Variants in NEBL observed in about 807,000 individuals in gnomAD.
NEBL encodes the protein nebulette.
Under a neutral mutation model 140.2 loss-of-function variants are expected in NEBL, and 122 were observed. That is an observed-to-expected ratio of 0.87 (90% CI 0.75 to 1.01). The LOEUF is 1.01. NEBL is among the 50% of genes least tolerant of loss of function. NEBL has a pLI of 0.00. For synonymous variants in NEBL, 436 were observed against 398.9 expected (o/e 1.09, Z -1.11); for missense variants, 1,365 against 1,231.3 (o/e 1.11, Z -1.62).
At chr10:21,277,744 T>C (rs528045883) in intron 1 of NEBL, among the ~76,000 whole-genome samples, 44 of 152,360 alleles carry the variant, frequency 2.9e-4, no homozygotes, top group South Asian at 1.0e-3. Flanking sequence ...GCTTTGGGCC[T>C]TTCCATGTTA....
chr10:21,189,215 C>T (rs1417427759), intron 3 of NEBL, among the ~76,000 whole-genome samples: 4 of 151,846 alleles, frequency 2.6e-5, no homozygotes, highest in African/African-American at 4.8e-5. Flanking sequence ...GGCAAGGGTC[C>T]TCATAAGAGA....
chr10:21,232,901 T>C (rs1321462995), intron 3 of NEBL, among the ~76,000 whole-genome samples: 3 of 152,200 alleles, frequency 2.0e-5, no homozygotes, highest in African/African-American at 7.2e-5. Flanking sequence ...GGAGAGATGA[T>C]TCCAACTCAA....
chr10:21,029,811 A>G (rs751422657), intron 2 of NEBL: 9 of 721,998 alleles, frequency 1.2e-5, no homozygotes, highest in Non-Finnish European at 2.3e-5. Flanking sequence ...GCTAGAGGCT[A>G]TCATTCCTGG....
intron 3 of NEBL, among the ~76,000 whole-genome samples, chr10:21,006,572 T>C (rs893905791): frequency 2.0e-5 from 3 of 152,216 alleles, no homozygotes; most frequent in Non-Finnish European, 4.4e-5. Context: ...CTTGAGACTT[T>C]CTAGGGTTCC....
At chr10:20,900,056 T>C (rs1294596110), upstream of NEBL, among the ~76,000 whole-genome samples, 1 of 152,250 alleles carries the variant, frequency 6.6e-6, no homozygotes, top group Admixed American at 6.5e-5. Flanking sequence ...ACAGCTATCA[T>C]GTTTCAAAAT....
chr10:20,916,132 G>C (rs548863073), intron 4 of NEBL, among the ~76,000 whole-genome samples: 1 of 152,102 alleles, frequency 6.6e-6, no homozygotes, highest in Admixed American at 6.5e-5. Flanking sequence ...CAGTCATCTA[G>C]TTCAACTAGA....
intron 16 of NEBL, 98 bp downstream of exon 16, chr10:20,831,098 C>T: frequency 1.1e-6 from 1 of 892,556 alleles, no homozygotes. Flanking sequence ...GCTCTGAATG[C>T]AATGCCCTCA....
chr10:20,805,836 C>T lies in NEBL; in HGVS notation c.2761+2674G>A, dbSNP rs138168672. 5.6e-3 allele frequency among the ~76,000 whole-genome samples: 830 copies of T among 147,928 alleles called. 32 individuals are homozygous for T. Among genetic ancestry groups the T allele is most frequent in the Admixed American group, 0.051 (760 of 14,860 alleles). ...TTACTGCACTCCAGGCTGAGTGACACAGCGAGACTCCGTCTCAAAAAAAAA... is the reference window on the plus strand; with the variant it reads ...TTACTGCACTCCAGGCTGAGTGACATAGCGAGACTCCGTCTCAAAAAAAAA... On this transcript the variant is annotated intron_variant, in intron 26 of 27. Coordinates refer to ENST00000377122, the MANE Select transcript of NEBL (RefSeq NM_006393.3).
At chr10:20,862,047 G>A (rs1014881160) in intron 7 of NEBL, among the ~76,000 whole-genome samples, 3 of 152,026 alleles carry the variant, frequency 2.0e-5, no homozygotes, top group Non-Finnish European at 2.9e-5. Context: ...CATATAATTT[G>A]TTGAATACTG....
intron 1 of NEBL, among the ~76,000 whole-genome samples, chr10:21,253,368 G>T (rs1482914759): frequency 6.6e-6 from 1 of 152,044 alleles, no homozygotes; most frequent in Non-Finnish European, 1.5e-5. Context: ...AGATTTATAG[G>T]TACAGAGCAC....
At chr10:20,819,631 A>C in intron 19 of NEBL, 115 bp from the exon 20 acceptor site, 6 of 1,272,542 alleles carry the variant, frequency 4.7e-6, no homozygotes, top group Non-Finnish European at 6.8e-6. Context: ...TAATAAGATC[A>C]TCATCAGGAT....
At chr10:21,289,062 T>C (rs772360455) in intron 1 of NEBL, among the ~76,000 whole-genome samples, 16 of 151,366 alleles carry the variant, frequency 1.1e-4, no homozygotes, top group Admixed American at 2.0e-4. Flanking sequence ...TTGGCCAGGC[T>C]GGTCTTGAAC....
chr10:21,035,885 G>A (rs1444654017), intron 2 of NEBL, among the ~76,000 whole-genome samples: 1 of 152,156 alleles, frequency 6.6e-6, no homozygotes, highest in Non-Finnish European at 1.5e-5. Context: ...TAAAAGGGCT[G>A]GGCACGGTAG....
At chr10:21,006,746 G>A (rs895678191) in intron 3 of NEBL, among the ~76,000 whole-genome samples, 1 of 152,230 alleles carries the variant, frequency 6.6e-6, no homozygotes, top group African/African-American at 2.4e-5. Flanking sequence ...TGGATGACAA[G>A]AGGATTGGGA....
chr10:21,135,908 G>C (rs907688555), intron 2 of NEBL, among the ~76,000 whole-genome samples: 3 of 152,194 alleles, frequency 2.0e-5, no homozygotes, highest in Non-Finnish European at 2.9e-5. Flanking sequence ...TTAGCTAAGA[G>C]GCAAGGAAGA....
intron 26 of NEBL, among the ~76,000 whole-genome samples, chr10:20,801,857 G>T (rs1837157592): frequency 6.6e-6 from 1 of 152,138 alleles, no homozygotes; most frequent in Admixed American, 6.5e-5. Flanking sequence ...GCATAGCCTG[G>T]CTAGGGTGGG....
Position 21,164,760 on chromosome 10 carries a change from T to C in NEBL, c.164+7623A>G, listed in dbSNP as rs557428319. Among the ~76,000 whole-genome samples the C allele has an allele frequency of 7.9e-5, 12 of 152,352 alleles. No homozygotes were observed. In the East Asian group the frequency reaches 2.1e-3, roughly 27 times the overall value. On this transcript the variant is annotated intron_variant, in intron 2 of 6. Coordinates refer to the NEBL transcript ENST00000417816. ...AATACGGTGACTGAGAACCAGATCATTTTGTATATACACTGGAACCTTTTT... is the reference window on the plus strand; with the variant it reads ...AATACGGTGACTGAGAACCAGATCACTTTGTATATACACTGGAACCTTTTT...
chr10:21,064,603 T>G (rs1007386105), intron 2 of NEBL, among the ~76,000 whole-genome samples: 4 of 152,234 alleles, frequency 2.6e-5, no homozygotes, highest in African/African-American at 9.6e-5. Context: ...TGTTGCTCCT[T>G]TATTAAGTGT....
At chr10:21,255,568 G>C (rs1251516840) in intron 1 of NEBL, among the ~76,000 whole-genome samples, 1 of 152,164 alleles carries the variant, frequency 6.6e-6, no homozygotes, top group Admixed American at 6.5e-5. Flanking sequence ...AAGTGTTCAA[G>C]AGCTGACACG....
Sources: gnomAD v4.1 joint callset for allele counts (sites outside exome capture counted in the v4.1 genomes callset) on GRCh38, gnomAD v4.1.1 for gene constraint, MANE v1.5 for transcripts, NCBI Gene and HGNC (gene_info 2026-07-23, HGNC 2026-07-21) for gene names.